GABRR1: variants seen among roughly 807,000 people sequenced by gnomAD.
GABRR1 encodes the protein gamma-aminobutyric acid receptor subunit rho-1.
GABRR1 carries 59 observed loss-of-function variants against 55.5 expected under a neutral mutation model. That is an observed-to-expected ratio of 1.06 (90% CI 0.86 to 1.32). The LOEUF (loss-of-function observed/expected upper bound fraction) is 1.32, where lower values mean the gene tolerates loss of function less well. Ranked by LOEUF, GABRR1 falls within the 40% of genes most tolerant of loss-of-function variation. The pLI, the probability that GABRR1 is intolerant of heterozygous loss-of-function variation, is 0.00. For synonymous variants in GABRR1, 213 were observed against 226.0 expected, an observed-to-expected ratio of 0.94 and a Z score of 0.51; for missense variants, 602 against 619.1, an observed-to-expected ratio of 0.97 and a Z score of 0.29.
chr6:89,191,916 C>CTCAG (rs1369005548), intron 5 of GABRR1, among the ~76,000 whole-genome samples: 1 of 152,046 alleles, frequency 6.6e-6, no homozygotes, highest in Non-Finnish European at 1.5e-5. Context: ...GTGGCATGCA[C>CTCAG]CTGTAGTCCC....
chr6:89,224,813 T>C (rs1023126608), intron 1 of GABRR1, among the ~76,000 whole-genome samples: 2 of 152,094 alleles, frequency 1.3e-5, no homozygotes, highest in African/African-American at 4.8e-5. Context: ...GACAGGGTCT[T>C]GCTCTGTCAC....
chr6:89,217,424 T>C (rs1245748402), upstream of GABRR1: 1 of 1,342,056 alleles, frequency 7.5e-7, no homozygotes, highest in Middle Eastern at 1.9e-4. Flanking sequence ...ATTAGAAGGA[T>C]GTTTACTCAT....
chr6:89,224,745 G>T (rs1773169861), intron 1 of GABRR1, among the ~76,000 whole-genome samples: 1 of 151,928 alleles, frequency 6.6e-6, no homozygotes, highest in Admixed American at 6.6e-5. Flanking sequence ...CTTTGCCTAA[G>T]CCAATATGTA....
intron 5 of GABRR1, among the ~76,000 whole-genome samples, chr6:89,192,437 G>A (rs375606304): frequency 6.6e-6 from 1 of 152,080 alleles, no homozygotes; most frequent in African/African-American, 2.4e-5. Context: ...CACACACCAA[G>A]CTTTTTGAGA....
At position 89,178,788 on chromosome 6, in the gene GABRR1, G is replaced by T. The variant is rs1255138862; in HGVS notation, c.1422C>A (p.Tyr474Ter). 1 of 1,613,178 alleles carries T rather than the reference G, an allele frequency of 6.2e-7. No homozygotes were observed. The highest frequency in any genetic ancestry group is 1.7e-5 in the Admixed American group (1 of 60,008). Residue 474 changes from tyrosine to a stop codon, truncating the protein, a stop_gained, in exon 10 of 10, where the codon TAC (tyrosine) becomes TAA (stop). Coordinates refer to ENST00000454853, the MANE Select transcript of GABRR1 (RefSeq NM_002042.5). LOFTEE classifies it high-confidence loss of function. ...PAAYILFNLI[Y>*]WSIFS The stretch of plus-strand genomic sequence containing the variant: ...CAAGCATCTAGGAGAAAATAGACCA[G>T]TATATTAAATTGAATAAAATGTATG...
At chr6:89,192,635 T>A (rs1223890097) in intron 5 of GABRR1, among the ~76,000 whole-genome samples, 1 of 148,962 alleles carries the variant, frequency 6.7e-6, no homozygotes, top group Non-Finnish European at 1.5e-5. Context: ...CGATCTCAAC[T>A]CTGCAACCTC....
chr6:89,179,839 T>C (rs1338862736), intron 9 of GABRR1, among the ~76,000 whole-genome samples: 1 of 152,100 alleles, frequency 6.6e-6, no homozygotes, highest in Non-Finnish European at 1.5e-5. Flanking sequence ...GGAGGAAAGA[T>C]AACCTGGGAA....
In GABRR1 at chr6:89,198,247, G is replaced by C; in HGVS notation, c.349-4C>G. The C allele has an allele frequency of 6.2e-7, 1 of 1,606,618 alleles. No individual in the cohort carries two copies. Among genetic ancestry groups the C allele is most frequent in the East Asian group, 2.2e-5 (1 of 44,810 alleles). Reference sequence around the variant, plus strand: ...GGTAGAGGGTCATCGTAAAGTCCTGGGAGCAGAAGGGCAGAGAGGGAACCC... The same window carrying C: ...GGTAGAGGGTCATCGTAAAGTCCTGCGAGCAGAAGGGCAGAGAGGGAACCC... On this transcript the variant is annotated splice_region_variant and splice_polypyrimidine_tract_variant and intron_variant, in intron 4 of 9. Coordinates refer to ENST00000454853, the MANE Select transcript of GABRR1 (RefSeq NM_002042.5).
At chr6:89,216,803 G>A (rs1772994521) in intron 1 of GABRR1, among the ~76,000 whole-genome samples, 2 of 152,178 alleles carry the variant, frequency 1.3e-5, no homozygotes, top group African/African-American at 4.8e-5. Context: ...GAAATAATTA[G>A]AGCAGAATCA....
Position 89,198,247 on chromosome 6 carries a change from G to A in GABRR1, c.349-4C>T. 6.2e-7 allele frequency: 1 copy of A among 1,606,618 alleles called. No individual in the cohort carries two copies. Among genetic ancestry groups the A allele is most frequent in the Non-Finnish European group, 8.5e-7 (1 of 1,173,374 alleles). The stretch of plus-strand genomic sequence containing the variant: ...GGTAGAGGGTCATCGTAAAGTCCTG[G>A]GAGCAGAAGGGCAGAGAGGGAACCC... On this transcript the variant is annotated splice_region_variant and splice_polypyrimidine_tract_variant and intron_variant, in intron 4 of 9. Coordinates refer to ENST00000454853, the MANE Select transcript of GABRR1 (RefSeq NM_002042.5).
At chr6:89,214,079 T>A (rs942612283) in intron 1 of GABRR1, among the ~76,000 whole-genome samples, 1 of 152,054 alleles carries the variant, frequency 6.6e-6, no homozygotes, top group Non-Finnish European at 1.5e-5. Context: ...CCTATTTCTA[T>A]GTCTTTTCTT....
At chr6:89,192,296 C>G (rs746328725) in intron 5 of GABRR1, among the ~76,000 whole-genome samples, 1 of 151,986 alleles carries the variant, frequency 6.6e-6, no homozygotes, top group Non-Finnish European at 1.5e-5. Flanking sequence ...CACCCACCGT[C>G]CTCTCCACAT....
chr6:89,217,436 C>CA (rs34012805), upstream of GABRR1: 2,081 of 1,123,498 alleles, frequency 1.9e-3, no homozygotes, highest in Middle Eastern at 2.7e-3. Flanking sequence ...TTTACTCATG[C>CA]AAAAAAAAAA....
At position 89,198,242 on chromosome 6, in the gene GABRR1, T is replaced by A; in HGVS notation, c.350A>T (p.Asp117Val). The change falls in exon 5 of 10, where the codon GAC becomes GTC. Residue 117 changes from aspartate (D) to valine (V), a missense_variant and splice_region_variant. Asp to Val is a radical substitution (Grantham distance 152). Transcript: ENST00000454853. ...CCTCAGGTAGAGGGTCATCGTAAAG[T>A]CCTGGGAGCAGAAGGGCAGAGAGGG... ...SLDSISEVDM[D>V]FTMTLYLRHY... 1 of 1,611,972 alleles carries A rather than the reference T, an allele frequency of 6.2e-7. No individual in the cohort carries two copies. The highest frequency in any genetic ancestry group is 8.5e-7 in the Non-Finnish European group (1 of 1,178,376).
chr6:89,197,139 G>A (rs1303443336), intron 5 of GABRR1, among the ~76,000 whole-genome samples: 1 of 152,206 alleles, frequency 6.6e-6, no homozygotes, highest in Admixed American at 6.5e-5. Flanking sequence ...AATGGGGACA[G>A]AAAGTCAGCT....
intron 1 of GABRR1, among the ~76,000 whole-genome samples, chr6:89,210,811 GA>G (rs1425274731): frequency 6.6e-6 from 1 of 152,120 alleles, no homozygotes; most frequent in East Asian, 1.9e-4. Context: ...TCTAGAAGCA[GA>G]GAAAAATGAG....
intron 7 of GABRR1, among the ~76,000 whole-genome samples, chr6:89,182,606 G>C (rs1771763505): frequency 6.6e-6 from 1 of 152,104 alleles, no homozygotes; most frequent in African/African-American, 2.4e-5. Flanking sequence ...TTAAACTCCT[G>C]TTACTCTCAT....
At chr6:89,217,457 G>A, upstream of GABRR1, 1 of 996,996 alleles carries the variant, frequency 1.0e-6, no homozygotes, top group Non-Finnish European at 1.4e-6. Context: ...TCAACCCACA[G>A]GATGCAATCT....
intron 6 of GABRR1, among the ~76,000 whole-genome samples, chr6:89,189,322 T>A (rs1013238425): frequency 4.7e-5 from 7 of 149,622 alleles, no homozygotes; most frequent in Admixed American, 4.0e-4. Context: ...CATGGAATAC[T>A]ATGCAGCCAT....
Sources: allele counts gnomAD v4.1 joint callset (sites outside exome capture counted in the v4.1 genomes callset), GRCh38; gene constraint gnomAD v4.1.1; transcripts MANE v1.5; gene names NCBI Gene and HGNC (gene_info 2026-07-23, HGNC 2026-07-21).